The following LRCH3 variants were observed in gnomAD, a reference collection of about 807,000 sequenced individuals.
LRCH3 encodes DISP complex protein LRCH3.
Under a neutral mutation model 104.5 loss-of-function variants are expected in LRCH3, and 68 were observed. The ratio of observed to expected loss-of-function variants is 0.65; its 90% CI spans 0.54 to 0.80. The LOEUF (loss-of-function observed/expected upper bound fraction) is 0.80, where lower values mean the gene tolerates loss of function less well. Ranked by LOEUF, LRCH3 falls within the 30% of genes least tolerant of loss-of-function variation. The pLI, the probability that LRCH3 is intolerant of heterozygous loss-of-function variation, is 0.00. For missense variants in LRCH3, 951 were observed against 953.9 expected (o/e 1.00, Z 0.04); for synonymous variants, 344 against 361.3 (o/e 0.95, Z 0.54).
intron 10 of LRCH3, among the ~76,000 whole-genome samples, chr3:197,844,732 C>T (rs997704485): frequency 1.3e-5 from 2 of 152,174 alleles, no homozygotes; most frequent in Non-Finnish European, 1.5e-5. Flanking sequence ...ATTCCCCTGC[C>T]TCAGCCTTCT....
chr3:197,866,604 A>G (rs56011254), intron 17 of LRCH3, among the ~76,000 whole-genome samples: 3,485 of 152,300 alleles, frequency 0.023, 123 homozygotes, highest in African/African-American at 0.078. Flanking sequence ...TAATAATGAC[A>G]AATTTCTCCC....
At position 197,810,374 on chromosome 3, in the gene LRCH3, A is replaced by C. The variant is rs1175041213; in HGVS notation, c.263-4534A>C. 6.6e-6 allele frequency among the ~76,000 whole-genome samples: 1 copy of C among 152,098 alleles called. No homozygotes were observed. The highest frequency in any genetic ancestry group is 1.5e-5 in the Non-Finnish European group (1 of 68,016). On this transcript the variant is annotated intron_variant, in intron 1 of 20. Coordinates refer to ENST00000425562, the MANE Select transcript of LRCH3 (RefSeq NM_001365715.1). This position sits in a 1 kb window ranked among gnomAD's most constrained non-coding sequence, Gnocchi z 4.0. ...CACCATGTTGGCCAGGCTGGTCTCG[A>C]ACTGCTGACCTTAGGTGATTCACCA...
chr3:197,817,360 G>GTATATATATATATATATA (rs58866690), intron 3 of LRCH3, 58 bp downstream of exon 3: 970 of 89,506 alleles, frequency 0.011, 90 homozygotes, highest in African/African-American at 0.074. Flanking sequence ...GTGTGTGTGT[G>GTATATATATATATATATA]TATATATATA....
Position 197,832,300 on chromosome 3 carries a change from T to C in LRCH3, c.1085T>C (p.Val362Ala). 1 of 1,613,742 alleles carries C rather than the reference T, an allele frequency of 6.2e-7. No homozygotes were observed. The highest frequency in any genetic ancestry group is 8.5e-7 in the Non-Finnish European group (1 of 1,179,696). ...TACCAAGAGAACCGCGGCAGTTTGGTAGTAACAAACGGCGGAGGTAAACAT... is the reference window on the plus strand; with the variant it reads ...TACCAAGAGAACCGCGGCAGTTTGGCAGTAACAAACGGCGGAGGTAAACAT... ...SQYQENRGSLVVTNGGVEHDL... is the reference protein window; with the variant it reads ...SQYQENRGSLAVTNGGVEHDL... The change falls in exon 8 of 21, where the codon GTA becomes GCA. Residue 362 changes from valine (V) to alanine (A), a missense_variant. Coordinates refer to ENST00000425562, the MANE Select transcript of LRCH3 (RefSeq NM_001365715.1).
intron 19 of LRCH3, chr3:197,871,714 C>T (rs1323003096): frequency 5.7e-6 from 2 of 352,634 alleles, no homozygotes; most frequent in South Asian, 2.5e-4. Context: ...CTTAACTCCA[C>T]CTGGAGAGTT....
intron 14 of LRCH3, among the ~76,000 whole-genome samples, chr3:197,857,995 C>T (rs557577171): frequency 1.3e-5 from 2 of 152,064 alleles, no homozygotes; most frequent in African/African-American, 2.4e-5. Flanking sequence ...AATTTATGGT[C>T]CTAGTTTAAA....
intron 16 of LRCH3, 37 bp from the exon 17 acceptor site, chr3:197,866,075 C>T: frequency 7.1e-7 from 1 of 1,418,238 alleles, no homozygotes; most frequent in South Asian, 1.2e-5. Context: ...ATATTTTCAT[C>T]TCCTTTAATC....
chr3:197,864,453 C>CA, intron 15 of LRCH3, among the ~76,000 whole-genome samples: 1 of 147,474 alleles, frequency 6.8e-6, no homozygotes, highest in African/African-American at 2.6e-5. Context: ...ACTAAAAATA[C>CA]AAAAAAATTA....
At chr3:197,879,773 T>A (rs1230665305) in intron 20 of LRCH3, among the ~76,000 whole-genome samples, 1 of 152,050 alleles carries the variant, frequency 6.6e-6, no homozygotes, top group African/African-American at 2.4e-5. Context: ...TACATGGCTT[T>A]CTCCAAAAAC....
intron 8 of LRCH3, 22 bp from the exon 9 acceptor site, chr3:197,835,642 TGTGTGTGTGG>T: frequency 1.9e-6 from 3 of 1,569,186 alleles, no homozygotes; most frequent in African/African-American, 2.7e-5. Flanking sequence ...CTGGTGTGTG[TGTGTGTGTGG>T]GTGTGTGTGT....
intron 1 of LRCH3, among the ~76,000 whole-genome samples, chr3:197,795,511 G>A (rs1731090673): frequency 2.0e-5 from 3 of 152,048 alleles, no homozygotes; most frequent in Admixed American, 6.6e-5. Flanking sequence ...ACAATAGGAT[G>A]TTAGCCTGGA....
At chr3:197,811,416 A>AGTAT (rs1211777125) in intron 1 of LRCH3, among the ~76,000 whole-genome samples, 1 of 151,922 alleles carries the variant, frequency 6.6e-6, no homozygotes, top group African/African-American at 2.4e-5. Flanking sequence ...TCTCTTATAC[A>AGTAT]GATTATTTGT....
chr3:197,837,909 AC>A (rs1284516289), intron 9 of LRCH3, among the ~76,000 whole-genome samples: 1 of 146,626 alleles, frequency 6.8e-6, no homozygotes, highest in African/African-American at 2.5e-5. Context: ...AAAAAAAAAA[AC>A]TTAGCTGGGT....
chr3:197,877,771 T>G (rs1713072693), intron 20 of LRCH3, among the ~76,000 whole-genome samples: 5 of 150,924 alleles, frequency 3.3e-5, no homozygotes, highest in Admixed American at 3.3e-4. Flanking sequence ...CTTTTGCTGT[T>G]TTTTTTTTAA....
rs1415054750 is a variant in LRCH3, at chr3:197,835,785, T to C, written c.1214T>C (p.Phe405Ser). The change falls in exon 9 of 21, where the codon TTT (phenylalanine) becomes TCT (serine). Residue 405 changes from phenylalanine to serine, a missense_variant. Transcript: ENST00000425562. ...GACCCAGACAGCCTTAGTTCACAGT[T>C]TATGGCGTATATTGAACAGCGGCGA... is the stretch of plus-strand genomic sequence containing the variant. ...GPDPDSLSSQ[F>S]MAYIEQRRIS... 6.2e-7 allele frequency: 1 copy of C among 1,613,990 alleles called. No homozygotes were observed. The highest frequency in any genetic ancestry group is 8.5e-7 in the Non-Finnish European group (1 of 1,180,020).
intron 4 of LRCH3, among the ~76,000 whole-genome samples, chr3:197,825,793 T>C (rs555009804): frequency 6.6e-6 from 1 of 152,232 alleles, no homozygotes; most frequent in African/African-American, 2.4e-5. Context: ...TTTCTTATAT[T>C]TTTTATTATT....
intron 6 of LRCH3, 132 bp from the exon 7 acceptor site, chr3:197,830,638 A>C (rs1287292292): frequency 1.5e-6 from 1 of 649,324 alleles, no homozygotes; most frequent in Non-Finnish European, 2.7e-6. Flanking sequence ...ATATTAAAAA[A>C]TTAAAGCCCA....
chr3:197,881,657 G>C (rs1713782199), intron 20 of LRCH3: 2 of 985,472 alleles, frequency 2.0e-6, no homozygotes, highest in South Asian at 4.7e-5. Context: ...TTAGCTGCTA[G>C]ACGTTAATGC....
At chr3:197,846,224 CA>C (rs1219865967) in intron 10 of LRCH3, among the ~76,000 whole-genome samples, 4 of 151,888 alleles carry the variant, frequency 2.6e-5, no homozygotes, top group African/African-American at 7.3e-5. Context: ...GTTAACCTAG[CA>C]AAACCCGGTC....
Sources: allele counts gnomAD v4.1 joint callset (sites outside exome capture counted in the v4.1 genomes callset), GRCh38; gene constraint gnomAD v4.1.1; non-coding constraint Gnocchi (gnomAD v3.1); transcripts MANE v1.5; gene names NCBI Gene and HGNC (gene_info 2026-07-23, HGNC 2026-07-21).